Variants in CERS6 observed in about 807,000 individuals in gnomAD.
CERS6 encodes the protein LAG1 homolog, ceramide synthase 6.
In CERS6, 26 loss-of-function variants were observed where a neutral mutation model predicts 56.8. That is an observed-to-expected ratio of 0.46 (90% CI 0.34 to 0.63). The LOEUF (loss-of-function observed/expected upper bound fraction) is 0.63, where lower values mean the gene tolerates loss of function less well. Ranked by LOEUF, CERS6 falls within the 30% of genes least tolerant of loss-of-function variation. The probability of loss-of-function intolerance (pLI) is 0.01; values close to 1 mark genes in which losing one functional copy is unlikely to be tolerated. For synonymous variants in CERS6, 164 were observed against 173.3 expected, an observed-to-expected ratio of 0.95 and a Z score of 0.42; for missense variants, 415 against 467.5, an observed-to-expected ratio of 0.89 and a Z score of 1.04.
At chr2:168,529,924 T>C (rs369079074) in intron 1 of CERS6, among the ~76,000 whole-genome samples, 58 of 151,838 alleles carry the variant, frequency 3.8e-4, no homozygotes, top group African/African-American at 1.4e-3. Context: ...AGGGGCAATT[T>C]GGGGATTTCT....
At chr2:168,692,085 A>G (rs188140683) in intron 5 of CERS6, among the ~76,000 whole-genome samples, 7 of 152,292 alleles carry the variant, frequency 4.6e-5, no homozygotes, top group Admixed American at 3.3e-4. Flanking sequence ...TGGAATTCCA[A>G]TTGGCATTTT....
chr2:168,533,308 T>C (rs1197425626), intron 1 of CERS6, among the ~76,000 whole-genome samples: 1 of 152,218 alleles, frequency 6.6e-6, no homozygotes, highest in Non-Finnish European at 1.5e-5. Context: ...CTTTTTCTAT[T>C]GTTTGGAACA....
chr2:168,547,618 A>C lies in CERS6; in HGVS notation c.193A>C (p.Ile65Leu). 6.2e-7 allele frequency: 1 copy of C among 1,613,828 alleles called. No homozygotes were observed. Among genetic ancestry groups the C allele is most frequent in the Non-Finnish European group, 8.5e-7 (1 of 1,179,696 alleles). Reference sequence around the variant, plus strand: ...TAGATTTGTAGCCAAACCGTGCGCCATAGCCCTCAACATTCAGGCCAATGG... The same window carrying C: ...TAGATTTGTAGCCAAACCGTGCGCCCTAGCCCTCAACATTCAGGCCAATGG... ...FERFVAKPCA[I>L]ALNIQANGPQ... The change falls in exon 2 of 10, where the codon ATA becomes CTA. Residue 65 changes from isoleucine to leucine, a missense_variant. Ile to Leu is a conservative substitution (Grantham distance 5). Transcript: ENST00000305747.
intron 1 of CERS6, among the ~76,000 whole-genome samples, chr2:168,497,273 A>G (rs1482114886): frequency 6.6e-6 from 1 of 152,220 alleles, no homozygotes; most frequent in Non-Finnish European, 1.5e-5. Context: ...TGGATTTTCA[A>G]ATTCAACAAA....
chr2:168,583,273 T>G (rs1019606052), intron 3 of CERS6, among the ~76,000 whole-genome samples: 1 of 152,154 alleles, frequency 6.6e-6, no homozygotes, highest in Non-Finnish European at 1.5e-5. Context: ...GTGTGTTGAT[T>G]GACGGGCATG....
chr2:168,482,893 A>T (rs1050677587), intron 1 of CERS6, among the ~76,000 whole-genome samples: 2 of 152,270 alleles, frequency 1.3e-5, no homozygotes, highest in Non-Finnish European at 1.5e-5. Context: ...TAAAATAGCC[A>T]TCTCTTAAGT....
rs536288246 is a variant in CERS6 at position 168,544,792 on chromosome 2, G to A, written c.171-2804G>A. ...ACGGGGGACACTTTTGTCAGTGCACGTGGTGCTGGGAACAGTTGGATGGAG... is the reference window on the plus strand; with the variant it reads ...ACGGGGGACACTTTTGTCAGTGCACATGGTGCTGGGAACAGTTGGATGGAG... On this transcript the variant is annotated intron_variant, in intron 1 of 9. Transcript: ENST00000305747. Among the ~76,000 whole-genome samples the A allele has an allele frequency of 5.4e-4, 25 of 46,316 alleles. No individual in the cohort carries two copies. The Middle Eastern group carries it at 0.028, about 52-fold the overall frequency. 30.4% of individuals were successfully genotyped at this position (46,316 alleles called of 152,430 possible). A position where few individuals can be genotyped will look rare whatever the true frequency, so the allele number is the denominator to read the frequency against.
intron 8 of CERS6, among the ~76,000 whole-genome samples, chr2:168,753,133 T>C (rs1684325155): frequency 6.6e-6 from 1 of 152,188 alleles, no homozygotes; most frequent in Non-Finnish European, 1.5e-5. Flanking sequence ...GAAACAGGCT[T>C]GGAGAAATAA....
intron 3 of CERS6, among the ~76,000 whole-genome samples, chr2:168,571,157 C>T (rs1695978530): frequency 6.6e-6 from 1 of 152,122 alleles, no homozygotes; most frequent in Admixed American, 6.5e-5. Flanking sequence ...GGAATCCCGT[C>T]TGGCTTGCCC....
At chr2:168,696,911 G>A (rs190510712) in intron 6 of CERS6, among the ~76,000 whole-genome samples, 13 of 152,322 alleles carry the variant, frequency 8.5e-5, no homozygotes, top group Non-Finnish European at 1.3e-4. Flanking sequence ...GCTGCTCATC[G>A]TGGGAATCAG....
intron 1 of CERS6, among the ~76,000 whole-genome samples, chr2:168,461,854 C>T (rs1450966601): frequency 1.3e-5 from 2 of 152,144 alleles, no homozygotes; most frequent in Non-Finnish European, 2.9e-5. Context: ...CTAGTTTTCT[C>T]TTGGATTCCT....
intron 1 of CERS6, among the ~76,000 whole-genome samples, chr2:168,513,814 T>C (rs1694838359): frequency 1.3e-5 from 2 of 152,164 alleles, no homozygotes; most frequent in Admixed American, 6.5e-5. Flanking sequence ...TTCCCTTTTA[T>C]TGTTGCTCCT....
chr2:168,599,049 TCAC>T (rs1354742530), intron 3 of CERS6, among the ~76,000 whole-genome samples: 1 of 152,216 alleles, frequency 6.6e-6, no homozygotes, highest in Non-Finnish European at 1.5e-5. Flanking sequence ...AATTCCATCT[TCAC>T]AACAATTCTG....
chr2:168,567,136 T>A (rs1373525560), intron 3 of CERS6, among the ~76,000 whole-genome samples: 1 of 152,204 alleles, frequency 6.6e-6, no homozygotes, highest in Non-Finnish European at 1.5e-5. Flanking sequence ...AAGTACAGGG[T>A]TGAGCTGTTT....
In CERS6 at chr2:168,582,585, C is replaced by A. The variant is rs189640469; in HGVS notation, c.407+21263C>A. ...CTATCATCTAGTACTGAAAAAAAAACGCGTGCTATGCAAACATAAGGTTTC... is the reference window on the plus strand; with the variant it reads ...CTATCATCTAGTACTGAAAAAAAAAAGCGTGCTATGCAAACATAAGGTTTC... On this transcript the variant is annotated intron_variant, in intron 3 of 9. Coordinates refer to ENST00000305747, the MANE Select transcript of CERS6 (RefSeq NM_203463.3). 1.2e-3 allele frequency among the ~76,000 whole-genome samples: 179 copies of A among 151,506 alleles called. 3 individuals carry two copies. The highest frequency in any genetic ancestry group is 9.7e-3 in the Admixed American group (148 of 15,212).
intron 8 of CERS6, among the ~76,000 whole-genome samples, chr2:168,743,627 C>T (rs1352044082): frequency 6.6e-6 from 1 of 152,154 alleles, no homozygotes; most frequent in Non-Finnish European, 1.5e-5. Context: ...GTGTTTTAAA[C>T]ATAATAAGCC....
At chr2:168,714,957 T>G in intron 6 of CERS6, 44 bp from the exon 7 acceptor site, 13 of 1,567,326 alleles carry the variant, frequency 8.3e-6, no homozygotes, top group Non-Finnish European at 1.1e-5. Context: ...AATGGAAATG[T>G]GATGTTGCTA....
chr2:168,514,337 C>G (rs1336971252), intron 1 of CERS6, among the ~76,000 whole-genome samples: 2 of 152,142 alleles, frequency 1.3e-5, no homozygotes, highest in African/African-American at 4.8e-5. Context: ...ACATTGCTGT[C>G]AGCTTCACCT....
At chr2:168,599,783 T>C (rs1683888849) in intron 3 of CERS6, among the ~76,000 whole-genome samples, 1 of 152,224 alleles carries the variant, frequency 6.6e-6, no homozygotes, top group African/African-American at 2.4e-5. Flanking sequence ...TGAGCTTCAC[T>C]GTGGACATTT....
Sources: gnomAD v4.1 joint callset for allele counts (sites outside exome capture counted in the v4.1 genomes callset) on GRCh38, gnomAD v4.1.1 for gene constraint, MANE v1.5 for transcripts, NCBI Gene and HGNC (gene_info 2026-07-23, HGNC 2026-07-21) for gene names.